The following ATP7A variants were observed in gnomAD, a reference collection of about 807,000 sequenced individuals.
The protein encoded by ATP7A is ATPase copper transporting alpha.
A neutral mutation model predicts 83.5 loss-of-function variants in ATP7A; 7 were observed. That is an observed-to-expected ratio of 0.08 (90% CI 0.05 to 0.16). The LOEUF is 0.16. Ranked by LOEUF, ATP7A falls within the 10% of genes least tolerant of loss-of-function variation. The pLI is 1.00. For synonymous variants in ATP7A, 354 were observed against 395.2 expected, an observed-to-expected ratio of 0.90 and a Z score of 1.24; for missense variants, 940 against 1,120.8, an observed-to-expected ratio of 0.84 and a Z score of 2.30.
intron 1 of ATP7A, among the ~76,000 whole-genome samples, chrX:77,917,064 T>C (rs1471825776): frequency 4.5e-5 from 5 of 111,918 alleles, no homozygotes; most frequent in African/African-American, 1.6e-4. Context: ...AGAGCAGATA[T>C]GGTCCTGTTT....
intron 17 of ATP7A, among the ~76,000 whole-genome samples, chrX:78,037,149 C>G (rs1427610934): frequency 9.0e-6 from 1 of 110,945 alleles, no homozygotes; most frequent in Admixed American, 9.6e-5. Flanking sequence ...TTAGAGATAT[C>G]CCAAGTGGTG....
intron 12 of ATP7A, among the ~76,000 whole-genome samples, chrX:78,019,228 A>G (rs782206733): frequency 5.6e-4 from 63 of 112,094 alleles, no homozygotes; most frequent in African/African-American, 2.0e-3. Flanking sequence ...TTCCTGCTGT[A>G]AAGACTGGTC....
At chrX:78,017,641 G>A (rs782554591) in intron 12 of ATP7A, among the ~76,000 whole-genome samples, 1 of 110,252 alleles carries the variant, frequency 9.1e-6, no homozygotes, top group Admixed American at 9.7e-5. Context: ...TGTAGGTCAT[G>A]TCTTGAATGC....
rs2077155890 is a variant in ATP7A, at chrX:77,910,743, TTGTG to T, written c.-111_-108del. On this transcript the variant is annotated 5_prime_UTR_variant, in exon 1 of 23. Coordinates refer to ENST00000341514, the MANE Select transcript of ATP7A (RefSeq NM_000052.7). The stretch of plus-strand genomic sequence containing the variant: ...GCCGCAGCTACTGTGACTTCTCCGA[TTGTG>T]TGAGCTTTGTTGGAGCCTGCGTACG... 1 of 112,151 alleles carries T rather than the reference TTGTG, an allele frequency of 8.9e-6. No homozygotes were observed. Among genetic ancestry groups the T allele is most frequent in the Non-Finnish European group, 1.9e-5 (1 of 53,210 alleles). The allele number at this position is 112,151 out of a possible 1,213,427, so 9.2% of individuals were successfully genotyped here.
intron 4 of ATP7A, among the ~76,000 whole-genome samples, chrX:77,997,468 T>G (rs1459430946): frequency 8.9e-6 from 1 of 112,539 alleles, no homozygotes; most frequent in Non-Finnish European, 1.9e-5. Flanking sequence ...AACCAGCTCT[T>G]CTGTGCAGGG....
chrX:77,919,677 G>A (rs1047193760), intron 1 of ATP7A, among the ~76,000 whole-genome samples: 25 of 111,844 alleles, frequency 2.2e-4, no homozygotes, highest in Admixed American at 1.1e-3. Flanking sequence ...TAGTGGAGAC[G>A]GGGTTTCACC....
chrX:78,011,101 T>A, intron 7 of ATP7A, 75 bp from the exon 8 acceptor site: 8 of 942,511 alleles, frequency 8.5e-6, no homozygotes, highest in Non-Finnish European at 1.1e-5. Flanking sequence ...TTAATGACAA[T>A]ACCATGGCTT....
At chrX:77,942,593 G>A (rs1372191353) in intron 1 of ATP7A, among the ~76,000 whole-genome samples, 4 of 109,269 alleles carry the variant, frequency 3.7e-5, no homozygotes, top group Admixed American at 9.8e-5. Flanking sequence ...CCACAGTCAC[G>A]TGCCACTATG....
intron 1 of ATP7A, among the ~76,000 whole-genome samples, chrX:77,927,707 A>G (rs1392997615): frequency 9.0e-6 from 1 of 110,916 alleles, no homozygotes; most frequent in Non-Finnish European, 1.9e-5. Flanking sequence ...ACATACGTAT[A>G]CATGCGCCAT....
At chrX:77,916,227 C>T (rs782766263) in intron 1 of ATP7A, among the ~76,000 whole-genome samples, 2 of 108,474 alleles carry the variant, frequency 1.8e-5, no homozygotes, top group African/African-American at 3.3e-5. Context: ...TGGTGGCATG[C>T]GCCTATAGTC....
At chrX:78,018,699 A>C (rs1467393294) in intron 12 of ATP7A, among the ~76,000 whole-genome samples, 1 of 111,600 alleles carries the variant, frequency 9.0e-6, no homozygotes, top group Non-Finnish European at 1.9e-5. Context: ...CAACTTACTC[A>C]ATTTACTACA....
intron 4 of ATP7A, among the ~76,000 whole-genome samples, chrX:77,991,827 G>A (rs920660494): frequency 9.1e-6 from 1 of 109,627 alleles, no homozygotes; most frequent in Non-Finnish European, 1.9e-5. Flanking sequence ...TTCGAGACCA[G>A]CCTTGGTAAC....
intron 13 of ATP7A, 124 bp from the exon 14 acceptor site, chrX:78,020,821 A>G: frequency 1.2e-6 from 1 of 806,428 alleles, no homozygotes; most frequent in Non-Finnish European, 1.8e-6. Context: ...ACACCTGGCC[A>G]TTAACATGAA....
chrX:77,965,720 T>C (rs1557228644), intron 1 of ATP7A, among the ~76,000 whole-genome samples: 1 of 112,149 alleles, frequency 8.9e-6, no homozygotes, highest in Non-Finnish European at 1.9e-5. Context: ...TTATTCATAA[T>C]AGCCAAAAGA....
At chrX:77,992,339 A>C (rs1010799974) in intron 4 of ATP7A, among the ~76,000 whole-genome samples, 1 of 110,990 alleles carries the variant, frequency 9.0e-6, no homozygotes, top group African/African-American at 3.3e-5. Context: ...TTGGGATTAC[A>C]GGCGTGAGCC....
chrX:78,005,683 C>CAAAAAA (rs1218646073), intron 6 of ATP7A, among the ~76,000 whole-genome samples: 58 of 13,570 alleles, frequency 4.3e-3, no homozygotes, highest in Admixed American at 0.011. Flanking sequence ...AACTCCATCT[C>CAAAAAA]AAAAAAAAAA....
intron 13 of ATP7A, 60 bp from the exon 14 acceptor site, chrX:78,020,885 T>G: frequency 9.1e-7 from 1 of 1,099,114 alleles, no homozygotes; most frequent in South Asian, 1.8e-5. Context: ...CTGCATTCAG[T>G]ATCAGAAAAG....
intron 4 of ATP7A, among the ~76,000 whole-genome samples, chrX:77,997,832 G>A (rs913023603): frequency 3.6e-5 from 4 of 110,017 alleles, no homozygotes; most frequent in Non-Finnish European, 7.6e-5. Flanking sequence ...TTCTTCCACT[G>A]TCCACAGACA....
rs2077968712 is a variant in ATP7A at position 78,029,450 on chromosome X, A to G, written c.3111+6A>G. On this transcript the variant is annotated splice_donor_region_variant and intron_variant, in intron 15 of 22. Coordinates refer to ENST00000341514, the MANE Select transcript of ATP7A (RefSeq NM_000052.7). ...CATTGGAGATGGCTCATAAGGTAAG[A>G]CAGTCCCCAGAACTAAAACCTGTAC... 1 of 1,205,120 alleles carries G rather than the reference A, an allele frequency of 8.3e-7. No homozygotes were observed. The highest frequency in any genetic ancestry group is 1.1e-6 in the Non-Finnish European group (1 of 890,457).
Sources: gnomAD v4.1 joint callset for allele counts (sites outside exome capture counted in the v4.1 genomes callset) on GRCh38, gnomAD v4.1.1 for gene constraint, MANE v1.5 for transcripts, NCBI Gene and HGNC (gene_info 2026-07-23, HGNC 2026-07-21) for gene names.